ROR1: variants seen among roughly 807,000 people sequenced by gnomAD.
The protein encoded by ROR1 is ROR family WNT receptor 1, also known as inactive tyrosine-protein kinase transmembrane receptor ROR1.
A neutral mutation model predicts 78.8 loss-of-function variants in ROR1; 19 were observed. The observed-to-expected ratio is 0.24, with a 90% confidence interval of 0.17 to 0.35. ROR1 has a LOEUF of 0.35. Among genes scored for constraint, ROR1 ranks in the 10% least tolerant of loss-of-function variants. The probability of loss-of-function intolerance (pLI) is 1.00; values close to 1 mark genes in which losing one functional copy is unlikely to be tolerated. For synonymous variants in ROR1, 386 were observed against 433.6 expected, an observed-to-expected ratio of 0.89 and a Z score of 1.36; for missense variants, 917 against 1,177.8, an observed-to-expected ratio of 0.78 and a Z score of 3.24.
intron 1 of ROR1, among the ~76,000 whole-genome samples, chr1:63,867,927 T>C (rs1486482369): frequency 6.6e-6 from 1 of 152,316 alleles, no homozygotes; most frequent in South Asian, 2.1e-4. Context: ...CTGCCGAGCA[T>C]GGCCATGTCG....
intron 4 of ROR1, among the ~76,000 whole-genome samples, chr1:64,121,321 G>T (rs1485336146): frequency 6.6e-6 from 1 of 151,482 alleles, no homozygotes; most frequent in Non-Finnish European, 1.5e-5. Context: ...TGATCAGAAG[G>T]TAAACACCTC....
chr1:63,847,216 G>C (rs1341476800), intron 1 of ROR1, among the ~76,000 whole-genome samples: 1 of 152,098 alleles, frequency 6.6e-6, no homozygotes, highest in Non-Finnish European at 1.5e-5. Flanking sequence ...GTTTCTAGAG[G>C]GTTTTAACTT....
At chr1:63,909,522 T>G (rs1645553382) in intron 1 of ROR1, among the ~76,000 whole-genome samples, 1 of 152,094 alleles carries the variant, frequency 6.6e-6, no homozygotes, top group South Asian at 2.1e-4. Flanking sequence ...GAGATACAGG[T>G]CATCATAGCT....
intron 4 of ROR1, among the ~76,000 whole-genome samples, chr1:64,053,357 G>A (rs1187641377): frequency 1.3e-5 from 2 of 152,168 alleles, no homozygotes; most frequent in Non-Finnish European, 2.9e-5. Flanking sequence ...GCCCAGAAAG[G>A]CACTTGTCAC....
chr1:64,001,729 C>G (rs1646384561), intron 1 of ROR1, among the ~76,000 whole-genome samples: 1 of 152,080 alleles, frequency 6.6e-6, no homozygotes, highest in African/African-American at 2.4e-5. Flanking sequence ...CTCCCAGGCT[C>G]TAGTAAAGAC....
chr1:64,061,266 A>G (rs1362082023), intron 4 of ROR1, among the ~76,000 whole-genome samples: 1 of 152,148 alleles, frequency 6.6e-6, no homozygotes, highest in African/African-American at 2.4e-5. Flanking sequence ...AGGTCTTTTG[A>G]TTAGCTGTTT....
At chr1:64,072,562 A>G (rs1166069275) in intron 4 of ROR1, among the ~76,000 whole-genome samples, 1 of 152,216 alleles carries the variant, frequency 6.6e-6, no homozygotes, top group Non-Finnish European at 1.5e-5. Context: ...TGGGGCCAAT[A>G]TAAATATGTT....
chr1:63,797,497 A>G (rs1360457759), intron 1 of ROR1, among the ~76,000 whole-genome samples: 1 of 152,230 alleles, frequency 6.6e-6, no homozygotes, highest in East Asian at 1.9e-4. Context: ...AAAAGCATGC[A>G]GGCCACAAAC....
intron 4 of ROR1, among the ~76,000 whole-genome samples, chr1:64,091,947 A>G (rs1404181026): frequency 6.6e-6 from 1 of 152,122 alleles, no homozygotes; most frequent in Non-Finnish European, 1.5e-5. Context: ...TTCTTTCAAG[A>G]CTTGTTGAAG....
At chr1:63,994,202 T>A (rs1164299139) in intron 1 of ROR1, among the ~76,000 whole-genome samples, 3 of 152,116 alleles carry the variant, frequency 2.0e-5, no homozygotes. Context: ...CCTCCTTGGA[T>A]TTTTTTTCTT....
At chr1:64,092,243 A>G (rs377291201) in intron 4 of ROR1, among the ~76,000 whole-genome samples, 44 of 152,174 alleles carry the variant, frequency 2.9e-4, no homozygotes, top group South Asian at 2.5e-3. Context: ...TTTATATCCA[A>G]CTATGTGACT....
chr1:63,820,369 T>G (rs1014586138), intron 1 of ROR1, among the ~76,000 whole-genome samples: 2 of 152,150 alleles, frequency 1.3e-5, no homozygotes, highest in African/African-American at 4.8e-5. Context: ...CAGTGTTCAG[T>G]AAGGTGGATT....
rs1234677432 is a variant in ROR1, at chr1:63,774,472, G to A, written c.55G>A (p.Ala19Thr). ...TRPPLLALLA[A>T]LLLAARGAAA... ...CCCGCCGCTCCTGGCGCTGCTGGCC[G>A]CGCTGCTGCTGGCCGCACGCGGGGC... is the stretch of plus-strand genomic sequence containing the variant. The change falls in exon 1 of 9, where the codon GCG becomes ACG. Residue 19 changes from alanine (A) to threonine (T), a missense_variant. Around this residue, in one of 3 missense-constraint regions of ROR1, gnomAD observed 63 missense variants for 57.0 expected, o/e 1.10. Transcript: ENST00000371079. The surrounding 1 kb of genome is among the most constrained non-coding windows in gnomAD (Gnocchi z 5.7). 14 of 1,164,720 alleles carry A rather than the reference G, an allele frequency of 1.2e-5. No individual in the cohort carries two copies. Among genetic ancestry groups the A allele is most frequent in the Non-Finnish European group, 1.5e-5 (14 of 949,896 alleles). 72.1% of individuals were successfully genotyped at this position (1,164,720 alleles called of 1,614,324 possible).
At position 64,178,694 on chromosome 1, in the gene ROR1, C is replaced by T; in HGVS notation, c.2653C>T (p.Leu885=). ...GSNQEANIPL[L]PHMSIPNHPG... ...CAATCAGGAAGCAAATATTCCTTTA[C>T]TACCACACATGTCAATTCCAAATCA... The change falls in exon 9 of 9, where the codon CTA becomes TTA. Residue 885 remains leucine (L), a synonymous_variant. Coordinates refer to ENST00000371079, the MANE Select transcript of ROR1 (RefSeq NM_005012.4). The surrounding 1 kb of genome is among the most constrained non-coding windows in gnomAD (Gnocchi z 4.3). The T allele has an allele frequency of 6.2e-7, 1 of 1,614,158 alleles. No individual in the cohort carries two copies. The highest frequency in any genetic ancestry group is 8.5e-7 in the Non-Finnish European group (1 of 1,180,030).
chr1:63,935,279 T>G (rs997049290), intron 1 of ROR1, among the ~76,000 whole-genome samples: 1 of 152,182 alleles, frequency 6.6e-6, no homozygotes, highest in Non-Finnish European at 1.5e-5. Context: ...AGCTTAGTTC[T>G]GCAAGCCCAG....
intron 2 of ROR1, among the ~76,000 whole-genome samples, chr1:64,015,711 A>T (rs2100550689): frequency 6.6e-6 from 1 of 152,200 alleles, no homozygotes; most frequent in East Asian, 1.9e-4. Flanking sequence ...AAGCTGATGA[A>T]CAGTCTTCCT....
chr1:64,059,458 C>T (rs1287351284), intron 4 of ROR1, among the ~76,000 whole-genome samples: 1 of 152,108 alleles, frequency 6.6e-6, no homozygotes, highest in African/African-American at 2.4e-5. Context: ...TGCCTATAAT[C>T]CCAGCACTTT....
chr1:63,940,498 C>CAGATAGAT (rs71584420), intron 1 of ROR1, among the ~76,000 whole-genome samples: 13,343 of 74,892 alleles, frequency 0.18, 725 homozygotes, highest in African/African-American at 0.18. Flanking sequence ...GATAGACAGA[C>CAGATAGAT]AGATAGATAG....
At chr1:64,092,721 C>A (rs6690212) in intron 4 of ROR1, among the ~76,000 whole-genome samples, 92,260 of 152,060 alleles carry the variant, frequency 0.61, 29,450 homozygotes, top group African/African-American at 0.81. Flanking sequence ...TTCCAGCATA[C>A]CTGACTTCAA....
Sources: gnomAD v4.1 joint callset for allele counts (sites outside exome capture counted in the v4.1 genomes callset) on GRCh38, gnomAD v4.1.1 for gene constraint, gnomAD v4.1.1 regional missense constraint, Gnocchi (gnomAD v3.1) non-coding constraint, MANE v1.5 for transcripts, NCBI Gene and HGNC (gene_info 2026-07-23, HGNC 2026-07-21) for gene names.